Variants in KBTBD8 observed in about 807,000 individuals in gnomAD.
KBTBD8 encodes kelch repeat and BTB domain-containing protein 8.
A neutral mutation model predicts 53.5 loss-of-function variants in KBTBD8; 31 were observed. The observed-to-expected ratio is 0.58, with a 90% CI of 0.44 to 0.78. KBTBD8 has a LOEUF of 0.78. Ranked by LOEUF, KBTBD8 falls within the 30% of genes least tolerant of loss-of-function variation. KBTBD8 has a pLI of 0.00. For missense variants in KBTBD8, 642 were observed against 735.8 expected (o/e 0.87, Z 1.48); for synonymous variants, 250 against 247.3 (o/e 1.01, Z -0.10).
At position 67,010,319 on chromosome 3, in the gene KBTBD8, A is replaced by C. The variant is rs148599394; in HGVS notation, c.*1934A>C. 322 of 152,708 alleles carry C rather than the reference A, an allele frequency of 2.1e-3. 1 individual carries two copies. The highest frequency in any genetic ancestry group is 3.9e-3 in the Non-Finnish European group (264 of 68,000). The allele number at this position is 152,708 out of a possible 1,614,324, so 9.5% of individuals were successfully genotyped here. ...TAATTTATTTTTGAAAGCTTTGTTG[A>C]ATAAGATTTCCTGCCGCTTTTTGAC... On this transcript the variant is annotated 3_prime_UTR_variant, in exon 4 of 4. Coordinates refer to ENST00000417314, the MANE Select transcript of KBTBD8 (RefSeq NM_032505.3).
chr3:67,008,527 G>A lies in KBTBD8; in HGVS notation c.*142G>A. The A allele has an allele frequency of 1.8e-6, 1 of 566,746 alleles. No individual in the cohort carries two copies. The highest frequency in any genetic ancestry group is 3.2e-5 in the Admixed American group (1 of 31,512). The allele number at this position is 566,746 out of a possible 1,614,324, so 35.1% of individuals were successfully genotyped here. On this transcript the variant is annotated 3_prime_UTR_variant, in exon 4 of 4. Coordinates refer to ENST00000417314, the MANE Select transcript of KBTBD8 (RefSeq NM_032505.3). ...GGTATGCTTAAAGATTGCAGGGTAG[G>A]GAGGGATTTTCCTTCATCCTTGTGA...
intron 3 of KBTBD8, among the ~76,000 whole-genome samples, chr3:67,006,084 A>T (rs938245558): frequency 2.0e-5 from 3 of 152,216 alleles, no homozygotes; most frequent in African/African-American, 7.2e-5. Context: ...AGCACAGGCC[A>T]TGATTTGGGT....
chr3:67,003,319 G>A lies in KBTBD8; in HGVS notation c.352G>A (p.Ala118Thr), dbSNP rs745422443. Residue 118 changes from alanine (A) to threonine (T), a missense_variant, in exon 3 of 4, where the codon GCC becomes ACC. By Grantham distance (58) the Ala-to-Thr change is moderately conservative. Coordinates refer to ENST00000417314, the MANE Select transcript of KBTBD8 (RefSeq NM_032505.3). Reference protein sequence around the residue: ...AYTSRVILTEANVQALFTAAS... With the variant: ...AYTSRVILTETNVQALFTAAS... Reference sequence around the variant, plus strand: ...CACTTCCAGAGTTATTCTTACAGAGGCCAATGTTCAAGCCTTGTTCACTGC... The same window carrying A: ...CACTTCCAGAGTTATTCTTACAGAGACCAATGTTCAAGCCTTGTTCACTGC... The A allele has an allele frequency of 3.7e-6, 6 of 1,614,154 alleles. No individual in the cohort carries two copies. Among genetic ancestry groups the A allele is most frequent in the Non-Finnish European group, 4.2e-6 (5 of 1,180,032 alleles).
intron 3 of KBTBD8, among the ~76,000 whole-genome samples, chr3:67,006,879 CAAA>C (rs1174095443): frequency 3.9e-5 from 6 of 152,182 alleles, no homozygotes; most frequent in African/African-American, 7.2e-5. Context: ...AGATTTTAAA[CAAA>C]TGCTATAATT....
Position 67,003,893 on chromosome 3 carries a change from T to C in KBTBD8, c.926T>C (p.Ile309Thr), listed in dbSNP as rs9841752. ...GKKQTVPCLD[I>T]VTGRVFKLCK... Reference sequence around the variant, plus strand: ...AAGCAAACAGTGCCTTGTCTAGATATAGTCACAGGAAGGGTGTTTAAACTA... The same window carrying C: ...AAGCAAACAGTGCCTTGTCTAGATACAGTCACAGGAAGGGTGTTTAAACTA... Residue 309 changes from isoleucine (I) to threonine (T), a missense_variant, in exon 3 of 4, where the codon ATA becomes ACA. By Grantham distance (89) the Ile-to-Thr change is moderately conservative. Transcript: ENST00000417314. The C allele has an allele frequency of 3.4e-4, 541 of 1,614,170 alleles. 4 individuals are homozygous for C. In the African/African-American group the frequency reaches 6.2e-3, roughly 19 times the overall value.
At position 67,006,760 on chromosome 3, in the gene KBTBD8, CTT is replaced by C. The variant is rs1470877748; in HGVS notation, c.1343-1160_1343-1159del. 7.2e-5 allele frequency among the ~76,000 whole-genome samples: 11 copies of C among 152,310 alleles called. No homozygotes were observed. In the South Asian group the frequency reaches 2.3e-3, roughly 32 times the overall value. On this transcript the variant is annotated intron_variant, in intron 3 of 3. Coordinates refer to ENST00000417314, the MANE Select transcript of KBTBD8 (RefSeq NM_032505.3). The stretch of plus-strand genomic sequence containing the variant: ...GGTATTTCTAATCTAAACAAAGCCT[CTT>C]TACATAAATAAACCTGACATGCATA...
chr3:67,002,606 G>C lies in KBTBD8; in HGVS notation c.228-589G>C, dbSNP rs1015147998. On this transcript the variant is annotated intron_variant, in intron 2 of 3. Transcript: ENST00000417314. Reference sequence around the variant, plus strand: ...CAACCTCCGCCTTCCGGGTTCAAGCGATTCTCCTGCCTCAGCCTCCTGAGT... The same window carrying C: ...CAACCTCCGCCTTCCGGGTTCAAGCCATTCTCCTGCCTCAGCCTCCTGAGT... 2.1e-5 allele frequency among the ~76,000 whole-genome samples: 3 copies of C among 140,888 alleles called. No homozygotes were observed. The East Asian group carries it at 6.7e-4, about 32-fold the overall frequency. The allele number at this position is 140,888 out of a possible 152,430, so 92.4% of individuals were successfully genotyped here. A position where few individuals can be genotyped will look rare whatever the true frequency, so the allele number is the denominator to read the frequency against.
At chr3:67,000,739 CAAA>C (rs1702009833) in intron 2 of KBTBD8, among the ~76,000 whole-genome samples, 1 of 151,686 alleles carries the variant, frequency 6.6e-6, no homozygotes, top group South Asian at 2.1e-4. Context: ...CAAAACAAAA[CAAA>C]AACTGCAAAG....
At chr3:67,001,134 G>C (rs1331132267) in intron 2 of KBTBD8, among the ~76,000 whole-genome samples, 1 of 152,042 alleles carries the variant, frequency 6.6e-6, no homozygotes, top group African/African-American at 2.4e-5. Flanking sequence ...ATTTTCTGGG[G>C]ATACGATATG....
intron 1 of KBTBD8, chr3:66,998,780 C>G: frequency 1.6e-6 from 1 of 606,540 alleles, no homozygotes; most frequent in Non-Finnish European, 2.9e-6. Context: ...GGCCTTTGAA[C>G]TTGTTCCGCC....
Position 67,009,378 on chromosome 3 carries a change from T to G in KBTBD8, c.*993T>G, listed in dbSNP as rs1575581370. The G allele has an allele frequency of 6.5e-6, 1 of 152,744 alleles. No individual in the cohort carries two copies. Among genetic ancestry groups the G allele is most frequent in the East Asian group, 1.9e-4 (1 of 5,186 alleles). The allele number at this position is 152,744 out of a possible 1,614,324, so 9.5% of individuals were successfully genotyped here. On this transcript the variant is annotated 3_prime_UTR_variant, in exon 4 of 4. Coordinates refer to ENST00000417314, the MANE Select transcript of KBTBD8 (RefSeq NM_032505.3). The stretch of plus-strand genomic sequence containing the variant: ...TCTCTTCCATCTACCTGTCCATTCA[T>G]TATTGGTACAAGGAAAGGTAACTTA...
chr3:66,998,906 A>G, intron 1 of KBTBD8, 75 bp from the exon 2 acceptor site: 1 of 1,146,018 alleles, frequency 8.7e-7, no homozygotes, highest in Non-Finnish European at 1.3e-6. Flanking sequence ...GCAAGCAGAC[A>G]CACAAACAGA....
intron 3 of KBTBD8, 90 bp from the exon 4 acceptor site, chr3:67,007,832 C>T (rs1575580869): frequency 4.5e-6 from 3 of 669,474 alleles, no homozygotes; most frequent in East Asian, 2.7e-5. Context: ...AAATTATGCC[C>T]TTTAATCTTT....
Position 67,010,483 on chromosome 3 carries a change from C to T in KBTBD8, c.*2098C>T, listed in dbSNP as rs142065526. The T allele has an allele frequency of 6.6e-6, 1 of 152,528 alleles. No homozygotes were observed. Among genetic ancestry groups the T allele is most frequent in the African/African-American group, 2.4e-5 (1 of 41,426 alleles). 9.4% of individuals were successfully genotyped at this position (152,528 alleles called of 1,614,324 possible). On this transcript the variant is annotated 3_prime_UTR_variant, in exon 4 of 4. Transcript: ENST00000417314. ...ACAGTAGATTTATTCTTTTAGCCTG[C>T]ACAACAGTTGATCTTTTGGCTATGA...
rs1272658588 is a variant in KBTBD8, at chr3:67,003,494, G to A, written c.527G>A (p.Arg176His). 1.2e-6 allele frequency: 2 copies of A among 1,614,048 alleles called. No individual in the cohort carries two copies. Among genetic ancestry groups the A allele is most frequent in the South Asian group, 1.1e-5 (1 of 91,078 alleles). The change falls in exon 3 of 4, where the codon CGT becomes CAT. Residue 176 changes from arginine (R) to histidine (H), a missense_variant. By Grantham distance (29) the Arg-to-His change is conservative. Coordinates refer to ENST00000417314, the MANE Select transcript of KBTBD8 (RefSeq NM_032505.3). ...ELGDRSKEYI[R>H]KKFLCVTKEQ... ...GGAGATCGATCAAAAGAATACATTC[G>A]TAAAAAGTTTCTGTGTGTCACCAAA...
chr3:67,007,479 T>G (rs902695356), intron 3 of KBTBD8, among the ~76,000 whole-genome samples: 1 of 151,964 alleles, frequency 6.6e-6, no homozygotes, highest in African/African-American at 2.4e-5. Context: ...CCACCACACC[T>G]GGCTAATTTT....
chr3:66,998,733 CG>C (rs983913755), intron 1 of KBTBD8, among the ~76,000 whole-genome samples: 4 of 152,200 alleles, frequency 2.6e-5, no homozygotes, highest in Admixed American at 2.0e-4. Context: ...TCCGCGAGCA[CG>C]GGTGCCGGGC....
chr3:66,999,935 C>A (rs1702002253), intron 2 of KBTBD8, among the ~76,000 whole-genome samples: 1 of 152,162 alleles, frequency 6.6e-6, no homozygotes, highest in Non-Finnish European at 1.5e-5. Context: ...AATTTAAAAA[C>A]TTGGGTCTGA....
Position 67,003,454 on chromosome 3 carries a change from G to A in KBTBD8, c.487G>A (p.Gly163Ser). 6.2e-7 allele frequency: 1 copy of A among 1,614,080 alleles called. No individual in the cohort carries two copies. Among genetic ancestry groups the A allele is most frequent in the Non-Finnish European group, 8.5e-7 (1 of 1,179,994 alleles). Residue 163 changes from glycine to serine, a missense_variant, in exon 3 of 4, where the codon GGT (glycine) becomes AGT (serine). By Grantham distance (56) the Gly-to-Ser change is moderately conservative (BLOSUM62 0). Transcript: ENST00000417314. ...GGTCTTTATCTTTGCTGATCATTAT[G>A]GTCATCAGGAACTCGGAGATCGATC... ...IGVFIFADHY[G>S]HQELGDRSKE...
Sources: gnomAD v4.1 joint callset for allele counts (sites outside exome capture counted in the v4.1 genomes callset) on GRCh38, gnomAD v4.1.1 for gene constraint, MANE v1.5 for transcripts, NCBI Gene and HGNC (gene_info 2026-07-23, HGNC 2026-07-21) for gene names.